ANXA13: variants seen among roughly 807,000 people sequenced by gnomAD.
The protein encoded by ANXA13 is annexin XIII.
ANXA13 carries 36 observed loss-of-function variants against 46.6 expected under a neutral mutation model. The ratio of observed to expected loss-of-function variants is 0.77; its 90% CI spans 0.59 to 1.02. The LOEUF (loss-of-function observed/expected upper bound fraction) is 1.02, where lower values mean the gene tolerates loss of function less well. Ranked by LOEUF, ANXA13 falls within the 50% of genes least tolerant of loss-of-function variation. The probability of loss-of-function intolerance (pLI) is 0.00; values close to 1 mark genes in which losing one functional copy is unlikely to be tolerated. For missense variants in ANXA13, 417 were observed against 396.5 expected (o/e 1.05, Z -0.44); for synonymous variants, 163 against 152.9 (o/e 1.07, Z -0.49).
In ANXA13 at chr8:123,723,298, C is replaced by A. The variant is rs544660642; in HGVS notation, c.16-10545G>T. ...AGCACAGAGCCATTGATTCCATTGG[C>A]AACAGTGGAGAATGTTTCTACTTAA... On this transcript the variant is annotated intron_variant, in intron 1 of 10. Transcript: ENST00000419625. Among the ~76,000 whole-genome samples the A allele has an allele frequency of 2.4e-4, 37 of 152,346 alleles. 1 individual carries two copies. In the South Asian group the frequency reaches 7.5e-3, roughly 31 times the overall value.
At chr8:123,709,714 C>T (rs989381204) in intron 2 of ANXA13, among the ~76,000 whole-genome samples, 1 of 152,184 alleles carries the variant, frequency 6.6e-6, no homozygotes. Context: ...GTCAACATTT[C>T]TTGGGCAAGG....
At chr8:123,703,735 G>C (rs990971525) in intron 2 of ANXA13, among the ~76,000 whole-genome samples, 1 of 152,130 alleles carries the variant, frequency 6.6e-6, no homozygotes, top group Non-Finnish European at 1.5e-5. Flanking sequence ...ATTTTTAGAA[G>C]CTTTTTTACC....
At chr8:123,735,895 A>T (rs1814255843) in intron 1 of ANXA13, 1 of 1,577,028 alleles carries the variant, frequency 6.3e-7, no homozygotes, top group African/African-American at 1.4e-5. Context: ...TTAAAAAAAA[A>T]TACATAAAAA....
chr8:123,684,658 C>T lies in ANXA13; in HGVS notation c.783G>A (p.Ala261=), dbSNP rs147326972. Residue 261 remains alanine (A), a synonymous_variant, in exon 10 of 11, where the codon GCG becomes GCA. Coordinates refer to ENST00000419625, the MANE Select transcript of ANXA13 (RefSeq NM_004306.4). The stretch of plus-strand genomic sequence containing the variant: ...GAATCAACGTCTCCTCATCGGTCCC[C>T]GCACCCTTCATCGACTTGTACAGAC... ...AERLYKSMKG[A]GTDEETLIRI... is the part of the protein sequence containing the mutation. The T allele has an allele frequency of 9.5e-4, 1,530 of 1,614,158 alleles. No homozygotes were observed. The highest frequency in any genetic ancestry group is 1.2e-3 in the Non-Finnish European group (1,445 of 1,179,992).
intron 1 of ANXA13, among the ~76,000 whole-genome samples, chr8:123,716,043 A>G (rs1813753858): frequency 6.6e-6 from 1 of 152,182 alleles, no homozygotes; most frequent in African/African-American, 2.4e-5. Context: ...GTCATGTGCT[A>G]TGAATGAAGA....
intron 3 of ANXA13, among the ~76,000 whole-genome samples, chr8:123,699,141 A>G (rs1813398549): frequency 6.6e-6 from 1 of 152,190 alleles, no homozygotes; most frequent in African/African-American, 2.4e-5. Context: ...AGAAGAATGC[A>G]GGTATGTAGA....
intron 2 of ANXA13, among the ~76,000 whole-genome samples, chr8:123,706,123 G>A (rs1011336857): frequency 6.6e-6 from 1 of 152,184 alleles, no homozygotes; most frequent in Non-Finnish European, 1.5e-5. Context: ...GGAGTGAGTT[G>A]CCTGCCTGGT....
chr8:123,703,511 C>G (rs1813485298), intron 2 of ANXA13, among the ~76,000 whole-genome samples: 3 of 152,106 alleles, frequency 2.0e-5, no homozygotes, highest in Admixed American at 6.6e-5. Flanking sequence ...TGAATTATAT[C>G]TCAATTAAAA....
intron 1 of ANXA13, among the ~76,000 whole-genome samples, chr8:123,737,011 G>A (rs1347430809): frequency 7.8e-6 from 1 of 128,892 alleles, no homozygotes; most frequent in African/African-American, 2.9e-5. Flanking sequence ...ACCACACCTA[G>A]CTAACTTTTT....
chr8:123,709,464 T>TC (rs1262267627), intron 2 of ANXA13, among the ~76,000 whole-genome samples: 1 of 151,772 alleles, frequency 6.6e-6, no homozygotes, highest in East Asian at 1.9e-4. Context: ...TCTGTCTTCC[T>TC]CCCCCCATTC....
intron 1 of ANXA13, among the ~76,000 whole-genome samples, chr8:123,717,770 C>G (rs1295548286): frequency 6.6e-6 from 1 of 152,202 alleles, no homozygotes; most frequent in Non-Finnish European, 1.5e-5. Flanking sequence ...AGGGAGTAGG[C>G]CGAGGCGACT....
intron 1 of ANXA13, chr8:123,727,797 A>G (rs1329873046): frequency 6.6e-6 from 1 of 152,154 alleles, no homozygotes; most frequent in Non-Finnish European, 1.5e-5. Context: ...TCTGGTGGTA[A>G]ACGGCACACA....
rs1813219505 is a variant in ANXA13 at position 123,690,757 on chromosome 8, G to A, written c.643-1811C>T. Among the ~76,000 whole-genome samples, 1 of 152,192 alleles carries A rather than the reference G, an allele frequency of 6.6e-6. No homozygotes were observed. The highest frequency in any genetic ancestry group is 1.5e-5 in the Non-Finnish European group (1 of 68,034). Reference sequence around the variant, plus strand: ...GCAGGGAGGTTATTAGAGGAGCAGGGGAGACATTTCTTTCTTTGAAAATCG... The same window carrying A: ...GCAGGGAGGTTATTAGAGGAGCAGGAGAGACATTTCTTTCTTTGAAAATCG... On this transcript the variant is annotated intron_variant, in intron 8 of 10. Transcript: ENST00000419625. The surrounding 1 kb of genome is among the most constrained non-coding windows in gnomAD (Gnocchi z 4.6).
intron 8 of ANXA13, among the ~76,000 whole-genome samples, chr8:123,692,437 T>C (rs192705963): frequency 2.0e-5 from 3 of 152,180 alleles, no homozygotes; most frequent in African/African-American, 7.2e-5. Flanking sequence ...AAATCTGATA[T>C]TCCACTCCAG....
At chr8:123,727,570 A>G (rs1389950799) in intron 1 of ANXA13, 2 of 151,950 alleles carry the variant, frequency 1.3e-5, no homozygotes, top group Admixed American at 1.3e-4. Context: ...TATTACTGGA[A>G]TATCTAGTGA....
At position 123,737,373 on chromosome 8, in the gene ANXA13, G is replaced by A. The variant is rs779086840; in HGVS notation, c.-39C>T. 5.7e-6 allele frequency: 9 copies of A among 1,581,600 alleles called. No homozygotes were observed. In the South Asian group the frequency reaches 1.0e-4, roughly 18 times the overall value. ...AGATGGTTTTTCTGTATTTCATCAA[G>A]AGATCAGTCCTCCTACAGGCAAAGT... On this transcript the variant is annotated 5_prime_UTR_variant, in exon 1 of 11. Coordinates refer to ENST00000419625, the MANE Select transcript of ANXA13 (RefSeq NM_004306.4).
At chr8:123,735,634 C>T in intron 1 of ANXA13, 2 of 1,240,470 alleles carry the variant, frequency 1.6e-6, no homozygotes, top group Non-Finnish European at 1.1e-6. Context: ...TTGGAAGTCA[C>T]ACCTGATGAT....
At chr8:123,706,720 C>T (rs527809846) in intron 2 of ANXA13, among the ~76,000 whole-genome samples, 1 of 152,206 alleles carries the variant, frequency 6.6e-6, no homozygotes, top group East Asian at 1.9e-4. Context: ...TGCTTCAAAC[C>T]TTTCAGTATA....
chr8:123,711,619 CT>C (rs3054145), intron 2 of ANXA13: 13,179 of 142,784 alleles, frequency 0.092, 631 homozygotes, highest in African/African-American at 0.14. Context: ...GTTCTTTTTT[CT>C]TTTTTTTTTT....
Sources: gnomAD v4.1 joint callset for allele counts (sites outside exome capture counted in the v4.1 genomes callset) on GRCh38, gnomAD v4.1.1 for gene constraint, Gnocchi (gnomAD v3.1) non-coding constraint, MANE v1.5 for transcripts, NCBI Gene and HGNC (gene_info 2026-07-23, HGNC 2026-07-21) for gene names.